Variants in EDNRA observed in about 807,000 individuals in gnomAD.
The protein encoded by EDNRA is endothelin-1 receptor.
A neutral mutation model predicts 41.4 loss-of-function variants in EDNRA; 11 were observed. The ratio of observed to expected loss-of-function variants is 0.27; its 90% CI spans 0.17 to 0.44. The LOEUF is 0.44. Among genes scored for constraint, EDNRA ranks in the 20% least tolerant of loss-of-function variants. The pLI is 1.00. For missense variants in EDNRA, 294 were observed against 531.0 expected (o/e 0.55, Z 4.39); for synonymous variants, 172 against 183.0 (o/e 0.94, Z 0.49).
At chr4:147,507,920 A>G (rs1008494983) in intron 2 of EDNRA, among the ~76,000 whole-genome samples, 3 of 152,150 alleles carry the variant, frequency 2.0e-5, no homozygotes, top group Admixed American at 2.0e-4. Flanking sequence ...AGCATTTTCT[A>G]TGTCCTTACC....
At chr4:147,530,587 C>A (rs1730708348) in intron 3 of EDNRA, among the ~76,000 whole-genome samples, 1 of 152,152 alleles carries the variant, frequency 6.6e-6, no homozygotes, top group Non-Finnish European at 1.5e-5. Context: ...AAACATTTCT[C>A]CAGTAAATTG....
intron 1 of EDNRA, among the ~76,000 whole-genome samples, chr4:147,482,422 C>T (rs1395665068): frequency 6.6e-6 from 1 of 152,106 alleles, no homozygotes; most frequent in Non-Finnish European, 1.5e-5. Flanking sequence ...ATCTATAGAC[C>T]ATGTCCTTCA....
chr4:147,500,319 G>A (rs1729470731), intron 2 of EDNRA, among the ~76,000 whole-genome samples: 1 of 152,178 alleles, frequency 6.6e-6, no homozygotes, highest in Non-Finnish European at 1.5e-5. Context: ...TGGGGGATAA[G>A]ATAAGAAATA....
chr4:147,501,826 T>C (rs1307461111), intron 2 of EDNRA, among the ~76,000 whole-genome samples: 1 of 152,238 alleles, frequency 6.6e-6, no homozygotes, highest in Admixed American at 6.5e-5. Flanking sequence ...ACCATATGCA[T>C]GTCATGTTTA....
chr4:147,484,009 C>T lies in EDNRA; in HGVS notation c.-70-1603C>T, dbSNP rs1303563567. Among the ~76,000 whole-genome samples the T allele has an allele frequency of 3.3e-5, 5 of 152,124 alleles. No individual in the cohort carries two copies. In the East Asian group the frequency reaches 9.6e-4, roughly 29 times the overall value. Reference sequence around the variant, plus strand: ...GTGCTGAGATTATAGACATGAGCCACCACACCCAACCAGGACTCAATTTTT... The same window carrying T: ...GTGCTGAGATTATAGACATGAGCCATCACACCCAACCAGGACTCAATTTTT... On this transcript the variant is annotated intron_variant, in intron 1 of 7. Transcript: ENST00000651419.
chr4:147,531,882 T>G (rs1056733609), intron 3 of EDNRA, among the ~76,000 whole-genome samples: 2 of 146,868 alleles, frequency 1.4e-5, no homozygotes, highest in South Asian at 2.2e-4. Context: ...TGGTGGCGGG[T>G]GCCTGTAGTC....
In EDNRA at chr4:147,532,677, G is replaced by T; in HGVS notation, c.720G>T (p.Met240Ile). Reference protein sequence around the residue: ...EYRGEQHKTCMLNATSKFMEF... With the variant: ...EYRGEQHKTCILNATSKFMEF... ...GGGGTGAACAGCATAAAACCTGTAT[G>T]CTCAATGCCACATCAAAATTCATGG... The change falls in exon 4 of 8, where the codon ATG (methionine) becomes ATT (isoleucine). Residue 240 changes from methionine to isoleucine, a missense_variant. By Grantham distance (10) the Met-to-Ile change is conservative. Coordinates refer to ENST00000651419, the MANE Select transcript of EDNRA (RefSeq NM_001957.4). 1 of 1,614,090 alleles carries T rather than the reference G, an allele frequency of 6.2e-7. No homozygotes were observed. The highest frequency in any genetic ancestry group is 8.5e-7 in the Non-Finnish European group (1 of 1,180,026).
Position 147,486,592 on chromosome 4 carries a change from T to G in EDNRA, c.420+491T>G, listed in dbSNP as rs1047901261. ...TATTTTGACTGTCTAGATTAATGAT[T>G]AAAGCCAAAGGGCATCCTGGCTTTT... On this transcript the variant is annotated intron_variant, in intron 2 of 7. Coordinates refer to ENST00000651419, the MANE Select transcript of EDNRA (RefSeq NM_001957.4). This position sits in a 1 kb window ranked among gnomAD's most constrained non-coding sequence, Gnocchi z 4.3. Among the ~76,000 whole-genome samples the G allele has an allele frequency of 1.3e-5, 2 of 152,244 alleles. No homozygotes were observed. The highest frequency in any genetic ancestry group is 2.9e-5 in the Non-Finnish European group (2 of 68,046).
At chr4:147,501,872 C>T (rs377737622) in intron 2 of EDNRA, among the ~76,000 whole-genome samples, 1 of 152,314 alleles carries the variant, frequency 6.6e-6, no homozygotes, top group Admixed American at 6.5e-5. Flanking sequence ...AATTCCCACA[C>T]ATAGGATTCC....
chr4:147,528,960 AC>A (rs1292012952), intron 3 of EDNRA, among the ~76,000 whole-genome samples: 1 of 152,130 alleles, frequency 6.6e-6, no homozygotes, highest in Non-Finnish European at 1.5e-5. Flanking sequence ...CTATGTTCTG[AC>A]GTAACAGCCT....
rs1002388891 is a variant in EDNRA, at chr4:147,486,715, T to C, written c.420+614T>C. Among the ~76,000 whole-genome samples the C allele has an allele frequency of 4.6e-5, 7 of 152,118 alleles. No individual in the cohort carries two copies. The highest frequency in any genetic ancestry group is 2.0e-4 in the Admixed American group (3 of 15,264). ...CATTACTAACTAATACCACTTAAAA[T>C]TTGCCTGCTTTACTGTGGTCTCCTT... On this transcript the variant is annotated intron_variant, in intron 2 of 7. Coordinates refer to ENST00000651419, the MANE Select transcript of EDNRA (RefSeq NM_001957.4). The surrounding 1 kb of genome is among the most constrained non-coding windows in gnomAD (Gnocchi z 4.3).
At chr4:147,514,121 AT>A (rs1209560457) in intron 2 of EDNRA, among the ~76,000 whole-genome samples, 1 of 152,214 alleles carries the variant, frequency 6.6e-6, no homozygotes, top group African/African-American at 2.4e-5. Flanking sequence ...GCATTAACCC[AT>A]TTGAGCACCC....
At chr4:147,540,315 C>A in intron 6 of EDNRA, 62 bp from the exon 7 acceptor site, 3 of 1,282,974 alleles carry the variant, frequency 2.3e-6, no homozygotes, top group Non-Finnish European at 3.3e-6. Flanking sequence ...GGAAGAAATG[C>A]TAGTGAGCAG....
intron 7 of EDNRA, among the ~76,000 whole-genome samples, chr4:147,541,327 C>G (rs1333528401): frequency 6.6e-6 from 1 of 152,160 alleles, no homozygotes; most frequent in Non-Finnish European, 1.5e-5. Context: ...TAGGCTTAAT[C>G]CTCACTGGAT....
chr4:147,496,388 G>A (rs1008847547), intron 2 of EDNRA, among the ~76,000 whole-genome samples: 52 of 151,636 alleles, frequency 3.4e-4, no homozygotes, highest in African/African-American at 1.2e-3. Context: ...TTAAAGAAGT[G>A]AAATCTATGA....
chr4:147,502,268 TA>T (rs998171243), intron 2 of EDNRA, among the ~76,000 whole-genome samples: 28 of 152,330 alleles, frequency 1.8e-4, no homozygotes, highest in African/African-American at 6.7e-4. Context: ...GAAAATTAGA[TA>T]TTTTTTCTAC....
At chr4:147,482,007 T>C (rs986054166) in intron 1 of EDNRA, among the ~76,000 whole-genome samples, 6 of 152,202 alleles carry the variant, frequency 3.9e-5, no homozygotes, top group Non-Finnish European at 5.9e-5. Flanking sequence ...CACCCTCTGT[T>C]TACATCATCC....
At chr4:147,536,497 C>A (rs1426480366) in intron 5 of EDNRA, among the ~76,000 whole-genome samples, 2 of 152,192 alleles carry the variant, frequency 1.3e-5, no homozygotes, top group Non-Finnish European at 2.9e-5. Flanking sequence ...CATGGGGAAG[C>A]TGTTCATGGA....
At chr4:147,491,016 C>T (rs1328517336) in intron 2 of EDNRA, 2 of 152,122 alleles carry the variant, frequency 1.3e-5, no homozygotes, top group African/African-American at 2.4e-5. Context: ...GAGTTGATGC[C>T]GTGGATAATA....
Sources: allele counts gnomAD v4.1 joint callset (sites outside exome capture counted in the v4.1 genomes callset), GRCh38; gene constraint gnomAD v4.1.1; non-coding constraint Gnocchi (gnomAD v3.1); transcripts MANE v1.5; gene names NCBI Gene and HGNC (gene_info 2026-07-23, HGNC 2026-07-21).